SUCLG2: variants seen among roughly 807,000 people sequenced by gnomAD.
The protein encoded by SUCLG2 is succinate-CoA ligase GDP-forming subunit beta, also known as succinate--CoA ligase [GDP-forming] subunit beta, mitochondrial.
Under a neutral mutation model 47.9 loss-of-function variants are expected in SUCLG2, and 42 were observed. The observed-to-expected ratio is 0.88, with a 90% CI of 0.69 to 1.14. SUCLG2 has a LOEUF of 1.14. Ranked by LOEUF, SUCLG2 falls within the 50% of genes most tolerant of loss-of-function variation. The pLI, the probability that SUCLG2 is intolerant of heterozygous loss-of-function variation, is 0.00. For synonymous variants in SUCLG2, 195 were observed against 197.3 expected, an observed-to-expected ratio of 0.99 and a Z score of 0.10; for missense variants, 571 against 525.9, an observed-to-expected ratio of 1.09 and a Z score of -0.84.
intron 9 of SUCLG2, among the ~76,000 whole-genome samples, chr3:67,487,330 G>A (rs1400277573): frequency 8.5e-5 from 13 of 152,142 alleles, no homozygotes; most frequent in Admixed American, 7.9e-4. Context: ...TAACATGCAT[G>A]AGGTGATCTC....
At chr3:67,364,462 T>A (rs1701849777) in intron 10 of SUCLG2, among the ~76,000 whole-genome samples, 1 of 147,432 alleles carries the variant, frequency 6.8e-6, no homozygotes, top group African/African-American at 2.5e-5. Flanking sequence ...GCCATAACTC[T>A]CTTCTGTGGT....
chr3:67,463,710 A>G (rs1336030606), intron 9 of SUCLG2, among the ~76,000 whole-genome samples: 1 of 152,188 alleles, frequency 6.6e-6, no homozygotes, highest in Non-Finnish European at 1.5e-5. Flanking sequence ...TAGCCTGGAA[A>G]ATATTGCCCT....
downstream of SUCLG2, among the ~76,000 whole-genome samples, chr3:67,369,990 T>G (rs1203799411): frequency 1.3e-5 from 2 of 152,204 alleles, no homozygotes; most frequent in Non-Finnish European, 2.9e-5. Flanking sequence ...AACTTGAATA[T>G]TAATACTTTT....
At chr3:67,614,642 G>GGGGAAT (rs1355387582) in intron 1 of SUCLG2, among the ~76,000 whole-genome samples, 2 of 152,060 alleles carry the variant, frequency 1.3e-5, no homozygotes, top group Non-Finnish European at 2.9e-5. Context: ...TGAAGGTGAA[G>GGGGAAT]GGGAATGGCA....
chr3:67,583,776 T>C (rs1175853335), intron 2 of SUCLG2, among the ~76,000 whole-genome samples: 2 of 152,240 alleles, frequency 1.3e-5, no homozygotes, highest in African/African-American at 4.8e-5. Flanking sequence ...AAGCCAACAA[T>C]GGTACATCAA....
chr3:67,494,559 G>C (rs1489087351), intron 9 of SUCLG2, among the ~76,000 whole-genome samples: 4 of 152,148 alleles, frequency 2.6e-5, no homozygotes, highest in Middle Eastern at 3.2e-3. Flanking sequence ...CCAGGAGATT[G>C]AGGCTACAGT....
intron 9 of SUCLG2, among the ~76,000 whole-genome samples, chr3:67,411,817 C>A (rs1011629621): frequency 1.3e-5 from 2 of 152,076 alleles, no homozygotes; most frequent in Admixed American, 6.6e-5. Flanking sequence ...TGAAAAAATT[C>A]ATTAGCATCT....
At chr3:67,425,263 C>T (rs781203493) in intron 9 of SUCLG2, among the ~76,000 whole-genome samples, 15 of 152,178 alleles carry the variant, frequency 9.9e-5, no homozygotes, top group Admixed American at 2.6e-4. Flanking sequence ...TATCAGTGGA[C>T]TGACCCACAC....
intron 9 of SUCLG2, among the ~76,000 whole-genome samples, chr3:67,401,127 A>G (rs987487890): frequency 1.3e-5 from 2 of 151,974 alleles, no homozygotes; most frequent in Non-Finnish European, 2.9e-5. Context: ...CGTCTATTAT[A>G]TAATGTCTTC....
At position 67,439,040 on chromosome 3, in the gene SUCLG2, C is replaced by T. The variant is rs140398488; in HGVS notation, c.1063-38189G>A. 6.0e-4 allele frequency among the ~76,000 whole-genome samples: 92 copies of T among 152,228 alleles called. No homozygotes were observed. The East Asian group carries it at 0.014, about 23-fold the overall frequency. On this transcript the variant is annotated intron_variant, in intron 9 of 10. Transcript: ENST00000307227. ...AGCACATCAAAAAGCTTTTCTACCA[C>T]GATCAAGTAGGATTCAACCCTGGGA...
intron 2 of SUCLG2, among the ~76,000 whole-genome samples, chr3:67,549,139 C>T (rs1262874751): frequency 6.6e-6 from 1 of 152,184 alleles, no homozygotes; most frequent in African/African-American, 2.4e-5. Context: ...CCTTGCACCA[C>T]GCTTGCCCAA....
rs190800466 is a variant in SUCLG2, at chr3:67,513,408, C to G, written c.661-4505G>C. 3.3e-5 allele frequency among the ~76,000 whole-genome samples: 5 copies of G among 152,274 alleles called. No individual in the cohort carries two copies. In the East Asian group the frequency reaches 9.6e-4, roughly 29 times the overall value. On this transcript the variant is annotated intron_variant, in intron 6 of 10. Transcript: ENST00000307227. The stretch of plus-strand genomic sequence containing the variant: ...ATTTTTACTGTTGCACAAAGGCAGA[C>G]CATAATTTTTTTGAGCAAGACTAAA...
At chr3:67,545,297 T>G (rs1005836855) in intron 2 of SUCLG2, among the ~76,000 whole-genome samples, 1 of 152,158 alleles carries the variant, frequency 6.6e-6, no homozygotes, top group African/African-American at 2.4e-5. Flanking sequence ...GTCTTCAATT[T>G]TAAAGTTTGT....
chr3:67,549,393 C>T (rs984866510), intron 2 of SUCLG2, among the ~76,000 whole-genome samples: 4 of 152,126 alleles, frequency 2.6e-5, no homozygotes, highest in African/African-American at 4.8e-5. Flanking sequence ...TGAAAGGAAA[C>T]CACCAGAAAG....
At chr3:67,405,238 C>A (rs915999475) in intron 9 of SUCLG2, among the ~76,000 whole-genome samples, 7 of 152,162 alleles carry the variant, frequency 4.6e-5, no homozygotes, top group African/African-American at 1.7e-4. Context: ...GTCAGGCAGT[C>A]CATACACAAG....
intron 2 of SUCLG2, among the ~76,000 whole-genome samples, chr3:67,552,172 C>CAAAA (rs55687048): frequency 4.1e-4 from 31 of 75,476 alleles, no homozygotes; most frequent in African/African-American, 9.5e-4. Flanking sequence ...AACTCCATCT[C>CAAAA]AAAAAAAAAA....
chr3:67,513,039 C>T (rs1705841638), intron 6 of SUCLG2, among the ~76,000 whole-genome samples: 1 of 150,628 alleles, frequency 6.6e-6, no homozygotes, highest in Non-Finnish European at 1.5e-5. Flanking sequence ...TATATACATA[C>T]ATACATAAAA....
At chr3:67,506,281 T>C (rs1452850039) in intron 7 of SUCLG2, among the ~76,000 whole-genome samples, 1 of 152,236 alleles carries the variant, frequency 6.6e-6, no homozygotes, top group African/African-American at 2.4e-5. Context: ...TAATCACCAT[T>C]TCCTAATTGG....
intron 9 of SUCLG2, among the ~76,000 whole-genome samples, chr3:67,419,859 G>T (rs1703115640): frequency 6.6e-6 from 1 of 152,162 alleles, no homozygotes; most frequent in South Asian, 2.1e-4. Context: ...TAAATGAGAA[G>T]CTGAAAATCA....
Sources: gnomAD v4.1 joint callset for allele counts (sites outside exome capture counted in the v4.1 genomes callset) on GRCh38, gnomAD v4.1.1 for gene constraint, MANE v1.5 for transcripts, NCBI Gene and HGNC (gene_info 2026-07-23, HGNC 2026-07-21) for gene names.